Variants in TNS3 observed in about 807,000 individuals in gnomAD.
TNS3 encodes tensin-3.
A neutral mutation model predicts 140.9 loss-of-function variants in TNS3; 45 were observed. The ratio of observed to expected loss-of-function variants is 0.32; its 90% CI spans 0.25 to 0.41. The LOEUF is 0.41. Among genes scored for constraint, TNS3 ranks in the 10% least tolerant of loss-of-function variants. The pLI, the probability that TNS3 is intolerant of heterozygous loss-of-function variation, is 1.00. For synonymous variants in TNS3, 815 were observed against 788.4 expected (o/e 1.03, Z -0.56); for missense variants, 1,716 against 1,906.7 (o/e 0.90, Z 1.86).
Position 47,345,089 on chromosome 7 carries a change from C to T in TNS3, c.2452-51G>A, listed in dbSNP as rs140777340. 1,042 of 1,448,040 alleles carry T rather than the reference C, an allele frequency of 7.2e-4. 7 individuals are homozygous for T. The African/African-American group carries it at 0.012, about 17-fold the overall frequency. The allele number at this position is 1,448,040 out of a possible 1,614,324, so 89.7% of individuals were successfully genotyped here. ...GTGAGAACAGGGAGTCAAGTGAAGG[C>T]CCCTCCAAACAGTTGTGGTTGTGGC... is the stretch of plus-strand genomic sequence containing the variant. On this transcript the variant is annotated intron_variant, in intron 18 of 30. Coordinates refer to ENST00000311160, the MANE Select transcript of TNS3 (RefSeq NM_022748.12).
chr7:47,580,617 C>T (rs1784506468), intron 1 of TNS3, among the ~76,000 whole-genome samples: 1 of 151,702 alleles, frequency 6.6e-6, no homozygotes, highest in Admixed American at 6.6e-5. Flanking sequence ...CCACCCCCTC[C>T]CTGGCCCTCA....
intron 1 of TNS3, among the ~76,000 whole-genome samples, chr7:47,562,028 GA>G (rs1800327423): frequency 6.6e-6 from 1 of 152,228 alleles, no homozygotes; most frequent in Non-Finnish European, 1.5e-5. Flanking sequence ...CTGGTAACCT[GA>G]ATAGGTCAAT....
At chr7:47,417,695 A>G (rs528304179) in intron 10 of TNS3, among the ~76,000 whole-genome samples, 1 of 152,388 alleles carries the variant, frequency 6.6e-6, no homozygotes, top group South Asian at 2.1e-4. Flanking sequence ...ATAAAATGCT[A>G]AGGTAAATGT....
intron 13 of TNS3, among the ~76,000 whole-genome samples, chr7:47,410,610 G>T (rs1793715200): frequency 1.3e-5 from 2 of 152,210 alleles, no homozygotes; most frequent in Non-Finnish European, 2.9e-5. Context: ...TTCAGGACCA[G>T]CAAGGTAGGG....
chr7:47,475,092 C>T (rs1229041254), intron 4 of TNS3, among the ~76,000 whole-genome samples: 1 of 151,702 alleles, frequency 6.6e-6, no homozygotes. Flanking sequence ...ACACACACTG[C>T]ATCACACAAC....
chr7:47,288,224 C>T (rs949878325), intron 27 of TNS3, among the ~76,000 whole-genome samples: 7 of 152,124 alleles, frequency 4.6e-5, no homozygotes, highest in Non-Finnish European at 1.0e-4. Context: ...CCTAGATCTA[C>T]CATTCAGGAG....
chr7:47,354,927 G>A (rs1360774604), intron 17 of TNS3, among the ~76,000 whole-genome samples: 1 of 152,182 alleles, frequency 6.6e-6, no homozygotes, highest in African/African-American at 2.4e-5. Context: ...CAGGCATTTA[G>A]CTGTCTTCGC....
intron 20 of TNS3, among the ~76,000 whole-genome samples, chr7:47,338,436 T>G (rs1438762220): frequency 6.6e-6 from 1 of 152,244 alleles, no homozygotes; most frequent in African/African-American, 2.4e-5. Flanking sequence ...CTAATGATGT[T>G]GAGCATCTTT....
chr7:47,525,180 C>CCAGGCCAAA (rs1799147480), intron 2 of TNS3, among the ~76,000 whole-genome samples: 2 of 152,184 alleles, frequency 1.3e-5, no homozygotes, highest in African/African-American at 4.8e-5. Flanking sequence ...GTGGGGTCCT[C>CCAGGCCAAA]CAGGCCAAAG....
intron 4 of TNS3, among the ~76,000 whole-genome samples, chr7:47,468,830 A>C (rs1382516712): frequency 6.6e-6 from 1 of 152,230 alleles, no homozygotes. Context: ...ACATTATTCA[A>C]CTTCAAACTA....
At chr7:47,332,472 G>A (rs770801261) in intron 20 of TNS3, among the ~76,000 whole-genome samples, 3 of 152,148 alleles carry the variant, frequency 2.0e-5, no homozygotes, top group Non-Finnish European at 4.4e-5. Context: ...GCTCAGGCCC[G>A]AGCTGTGGAT....
chr7:47,520,255 C>A (rs1007111555), intron 2 of TNS3, among the ~76,000 whole-genome samples: 2 of 152,166 alleles, frequency 1.3e-5, no homozygotes, highest in Admixed American at 6.5e-5. Flanking sequence ...TGCCACTTGG[C>A]CTTGCCCCCC....
chr7:47,528,440 T>G (rs1799278180), intron 2 of TNS3, among the ~76,000 whole-genome samples: 1 of 152,102 alleles, frequency 6.6e-6, no homozygotes, highest in African/African-American at 2.4e-5. Context: ...AAGGACCTGG[T>G]CCTCCTAGTG....
At chr7:47,525,168 G>A (rs920712846) in intron 2 of TNS3, among the ~76,000 whole-genome samples, 5 of 152,188 alleles carry the variant, frequency 3.3e-5, no homozygotes, top group African/African-American at 4.8e-5. Context: ...TGTTGGGTAC[G>A]TGTGGGGTCC....
intron 26 of TNS3, among the ~76,000 whole-genome samples, chr7:47,292,258 C>T (rs1205280416): frequency 2.0e-5 from 3 of 152,096 alleles, no homozygotes; most frequent in East Asian, 1.9e-4. Flanking sequence ...TTCTAATCAC[C>T]GAATTAGTCA....
rs571378116 is a variant in TNS3 at position 47,444,318 on chromosome 7, G to A, written c.-75-2263C>T. On this transcript the variant is annotated intron_variant, in intron 4 of 30. Coordinates refer to ENST00000311160, the MANE Select transcript of TNS3 (RefSeq NM_022748.12). ...ACTCCCATTGCAATGCCATGCTGGA[G>A]TACACTGGCCCAGTTCCTACAAGTG... Among the ~76,000 whole-genome samples the A allele has an allele frequency of 2.6e-5, 4 of 152,344 alleles. No individual in the cohort carries two copies. In the East Asian group the frequency reaches 7.7e-4, roughly 29 times the overall value.
At chr7:47,303,730 A>T in intron 21 of TNS3, 146 bp from the exon 22 acceptor site, 1 of 935,272 alleles carries the variant, frequency 1.1e-6, no homozygotes, top group Non-Finnish European at 1.6e-6. Flanking sequence ...TTTCCAAAAT[A>T]TGTACACTAA....
intron 1 of TNS3, among the ~76,000 whole-genome samples, chr7:47,554,048 G>A (rs71537781): frequency 7.3e-5 from 11 of 151,356 alleles, no homozygotes; most frequent in East Asian, 2.0e-4. Context: ...CAGGTGATCC[G>A]CCCACCTCGG....
chr7:47,489,640 A>G (rs1797738005), intron 3 of TNS3, among the ~76,000 whole-genome samples: 1 of 152,258 alleles, frequency 6.6e-6, no homozygotes, highest in Non-Finnish European at 1.5e-5. Context: ...AATAGATTTA[A>G]AGCAAAAGCA....
Sources: allele counts gnomAD v4.1 joint callset (sites outside exome capture counted in the v4.1 genomes callset), GRCh38; gene constraint gnomAD v4.1.1; transcripts MANE v1.5; gene names NCBI Gene and HGNC (gene_info 2026-07-23, HGNC 2026-07-21).